ITGA2: variants seen among roughly 807,000 people sequenced by gnomAD.
ITGA2 encodes the protein integrin alpha-2.
Under a neutral mutation model 146.3 loss-of-function variants are expected in ITGA2, and 101 were observed. That is an observed-to-expected ratio of 0.69 (90% CI 0.59 to 0.81). ITGA2 has a LOEUF of 0.81. Among genes scored for constraint, ITGA2 ranks in the 40% least tolerant of loss-of-function variants. The probability of loss-of-function intolerance (pLI) is 0.00; values close to 1 mark genes in which losing one functional copy is unlikely to be tolerated. For missense variants in ITGA2, 1,281 were observed against 1,402.7 expected (o/e 0.91, Z 1.39); for synonymous variants, 477 against 487.1 (o/e 0.98, Z 0.27).
Position 53,090,605 on chromosome 5 carries a change from C to T in ITGA2, c.*6C>T. 5 of 1,611,294 alleles carry T rather than the reference C, an allele frequency of 3.1e-6. No homozygotes were observed. Among genetic ancestry groups the T allele is most frequent in the Non-Finnish European group, 4.2e-6 (5 of 1,177,478 alleles). On this transcript the variant is annotated 3_prime_UTR_variant, in exon 30 of 30. Coordinates refer to ENST00000296585, the MANE Select transcript of ITGA2 (RefSeq NM_002203.4). Reference sequence around the variant, plus strand: ...CCACAGAGCTCAGTAGCTGAACCAGCAGACCTACCTGCAGTGGGAACCGGC... The same window carrying T: ...CCACAGAGCTCAGTAGCTGAACCAGTAGACCTACCTGCAGTGGGAACCGGC...
At chr5:53,030,720 T>G (rs1285050362) in intron 2 of ITGA2, among the ~76,000 whole-genome samples, 1 of 152,138 alleles carries the variant, frequency 6.6e-6, no homozygotes, top group Admixed American at 6.6e-5. Context: ...GAGTGTAAAA[T>G]AGAGTCAGTG....
intron 1 of ITGA2, among the ~76,000 whole-genome samples, chr5:53,014,399 C>T (rs1164853801): frequency 6.6e-6 from 1 of 152,148 alleles, no homozygotes; most frequent in African/African-American, 2.4e-5. Context: ...TGATGAATCA[C>T]ATTTATTGAT....
In ITGA2 at chr5:52,989,424, C is replaced by A. The variant is rs199619930; in HGVS notation, c.-45C>A. The A allele has an allele frequency of 1.9e-4, 307 of 1,605,416 alleles. No individual in the cohort carries two copies. The African/African-American group carries it at 2.6e-3, about 14-fold the overall frequency. Reference sequence around the variant, plus strand: ...CTCGGCCAAGGGTATCCTCTGCAAACCTCTGCAAACCCAGCGCAACTACGG... The same window carrying A: ...CTCGGCCAAGGGTATCCTCTGCAAAACTCTGCAAACCCAGCGCAACTACGG... On this transcript the variant is annotated 5_prime_UTR_variant, in exon 1 of 30. Coordinates refer to ENST00000296585, the MANE Select transcript of ITGA2 (RefSeq NM_002203.4).
At chr5:53,089,417 A>G (rs915489322) in intron 28 of ITGA2, 1 of 155,762 alleles carries the variant, frequency 6.4e-6, no homozygotes, top group African/African-American at 2.4e-5. Flanking sequence ...CTGAAGGACA[A>G]CGTTCCCACT....
intron 2 of ITGA2, among the ~76,000 whole-genome samples, chr5:53,038,657 G>A (rs1360164632): frequency 6.6e-6 from 1 of 152,186 alleles, no homozygotes; most frequent in East Asian, 1.9e-4. Flanking sequence ...CTGCAGCTAA[G>A]AGGAAGGACA....
chr5:53,064,932 A>T lies in ITGA2; in HGVS notation c.1623A>T (p.Gln541His). Residue 541 changes from glutamine (Q) to histidine (H), a missense_variant, in exon 14 of 30, where the codon CAA (glutamine) becomes CAT (histidine). By Grantham distance (24) the Gln-to-His change is conservative. Transcript: ENST00000296585. ...GCAAGGGCATTTTGGGTCAGCACCA[A>T]TTTCTTGAAGGCCCCGAGGGCATTG... The part of the protein sequence containing the change: ...TIKEGILGQH[Q>H]FLEGPEGIEN... The T allele has an allele frequency of 6.2e-7, 1 of 1,612,662 alleles. No homozygotes were observed. Among genetic ancestry groups the T allele is most frequent in the Non-Finnish European group, 8.5e-7 (1 of 1,179,090 alleles).
intron 10 of ITGA2, 51 bp downstream of exon 10, chr5:53,058,152 C>T: frequency 7.7e-7 from 1 of 1,306,022 alleles, no homozygotes. Context: ...CATAACACTT[C>T]CAGACACAGT....
In ITGA2 at chr5:53,083,447, C is replaced by T. The variant is rs2303122; in HGVS notation, c.3252C>T (p.Phe1084=). 568,410 of 1,565,140 alleles carry T rather than the reference C, an allele frequency of 0.36. 104,383 individuals carry two copies. Among genetic ancestry groups the T allele is most frequent in the Admixed American group, 0.43 (25,925 of 59,890 alleles). ...CTACCAGAATTTGGAACGGGACTTT[C>T]GCATCAGTAAGTATCAGTTTTATTT... ...NVTTRIWNGT[F]ASSTFQTVQL... Residue 1084 remains phenylalanine, a synonymous_variant, in exon 27 of 30, where the codon TTC becomes TTT. Coordinates refer to ENST00000296585, the MANE Select transcript of ITGA2 (RefSeq NM_002203.4).
At chr5:53,030,641 A>G (rs560609665) in intron 2 of ITGA2, among the ~76,000 whole-genome samples, 25 of 152,238 alleles carry the variant, frequency 1.6e-4, no homozygotes, top group Non-Finnish European at 2.8e-4. Context: ...AAGAGAGGCA[A>G]AACCATGGGC....
chr5:53,079,529 G>A (rs3212606), intron 24 of ITGA2, among the ~76,000 whole-genome samples: 16,903 of 152,104 alleles, frequency 0.11, 1,130 homozygotes, highest in African/African-American at 0.18. Context: ...TGTAATTAAA[G>A]TTAAAGAAAC....
At chr5:53,037,230 T>A (rs1447650853) in intron 2 of ITGA2, among the ~76,000 whole-genome samples, 1 of 152,246 alleles carries the variant, frequency 6.6e-6, no homozygotes, top group African/African-American at 2.4e-5. Flanking sequence ...TCCCACAAGA[T>A]AATTGAACAG....
Position 53,091,236 on chromosome 5 carries a change from A to C in ITGA2, c.*637A>C, listed in dbSNP as rs1740404561. On this transcript the variant is annotated 3_prime_UTR_variant, in exon 30 of 30. Coordinates refer to ENST00000296585, the MANE Select transcript of ITGA2 (RefSeq NM_002203.4). Reference sequence around the variant, plus strand: ...CCCTTCCACACCCCATCTTGCTCTAATGATCAAAACATGCTTGAATAACTG... The same window carrying C: ...CCCTTCCACACCCCATCTTGCTCTACTGATCAAAACATGCTTGAATAACTG... The C allele has an allele frequency of 1.2e-5, 2 of 160,810 alleles. No individual in the cohort carries two copies. Among genetic ancestry groups the C allele is most frequent in the East Asian group, 3.6e-4 (2 of 5,496 alleles). The allele number at this position is 160,810 out of a possible 1,614,324, so 10.0% of individuals were successfully genotyped here.
intron 2 of ITGA2, among the ~76,000 whole-genome samples, chr5:53,030,267 G>A (rs1442094194): frequency 6.6e-6 from 1 of 152,190 alleles, no homozygotes; most frequent in East Asian, 1.9e-4. Context: ...TCCTAGTGCT[G>A]GTAAGACCAG....
At chr5:53,058,265 T>C (rs1464849726) in intron 10 of ITGA2, among the ~76,000 whole-genome samples, 164 bp downstream of exon 10, 1 of 151,768 alleles carries the variant, frequency 6.6e-6, no homozygotes, top group Non-Finnish European at 1.5e-5. Context: ...ACCTCTAAAA[T>C]TTGAAGGATA....
intron 3 of ITGA2, among the ~76,000 whole-genome samples, chr5:53,043,966 G>T (rs528479263): frequency 2.0e-5 from 3 of 151,990 alleles, no homozygotes; most frequent in African/African-American, 7.2e-5. Context: ...AGTTGAGGTT[G>T]GAGGCTTGAA....
At chr5:53,051,919 C>T (rs1744387716) in intron 7 of ITGA2, among the ~76,000 whole-genome samples, 1 of 152,060 alleles carries the variant, frequency 6.6e-6, no homozygotes. Context: ...TCATGGATCA[C>T]TTGGTGCAAA....
intron 1 of ITGA2, among the ~76,000 whole-genome samples, chr5:53,003,715 C>T (rs527345203): frequency 6.6e-6 from 1 of 152,272 alleles, no homozygotes; most frequent in Non-Finnish European, 1.5e-5. Context: ...TAAGATTCCA[C>T]CTATGGATGG....
chr5:53,081,783 T>C lies in ITGA2; in HGVS notation c.3144+87T>C, dbSNP rs148617423. ...GCTGCTTTTCTCCTACCAGCTGATA[T>C]CATAGAGCTTTCTTATTTTGCCTTT... On this transcript the variant is annotated intron_variant, in intron 26 of 29. Coordinates refer to ENST00000296585, the MANE Select transcript of ITGA2 (RefSeq NM_002203.4). 992 of 867,954 alleles carry C rather than the reference T, an allele frequency of 1.1e-3. 26 individuals are homozygous for C. In the East Asian group the frequency reaches 0.026, roughly 23 times the overall value. 53.8% of individuals were successfully genotyped at this position (867,954 alleles called of 1,614,324 possible). A position where few individuals can be genotyped will look rare whatever the true frequency, so the allele number is the denominator to read the frequency against.
chr5:52,991,463 A>G (rs1374992562), intron 1 of ITGA2, among the ~76,000 whole-genome samples: 2 of 152,138 alleles, frequency 1.3e-5, no homozygotes, highest in East Asian at 1.9e-4. Flanking sequence ...AGTATGTACA[A>G]TTGCATCATA....
Sources: gnomAD v4.1 joint callset for allele counts (sites outside exome capture counted in the v4.1 genomes callset) on GRCh38, gnomAD v4.1.1 for gene constraint, MANE v1.5 for transcripts, NCBI Gene and HGNC (gene_info 2026-07-23, HGNC 2026-07-21) for gene names.